Variants in CTNNA3 observed in about 807,000 individuals in gnomAD.
CTNNA3 encodes catenin alpha-3.
A neutral mutation model predicts 95.7 loss-of-function variants in CTNNA3; 76 were observed. The observed-to-expected ratio is 0.79, with a 90% CI of 0.66 to 0.96. The LOEUF (loss-of-function observed/expected upper bound fraction) is 0.96, where lower values mean the gene tolerates loss of function less well. Ranked by LOEUF, CTNNA3 falls within the 40% of genes least tolerant of loss-of-function variation. CTNNA3 has a pLI of 0.00. For synonymous variants in CTNNA3, 431 were observed against 374.4 expected (o/e 1.15, Z -1.74); for missense variants, 1,191 against 1,089.8 (o/e 1.09, Z -1.31).
At chr10:66,905,502 T>G (rs1845950906) in intron 7 of CTNNA3, among the ~76,000 whole-genome samples, 1 of 152,158 alleles carries the variant, frequency 6.6e-6, no homozygotes, top group Non-Finnish European at 1.5e-5. Flanking sequence ...ACATGTGCCC[T>G]AGAACTTAAA....
intron 7 of CTNNA3, among the ~76,000 whole-genome samples, chr10:67,142,033 T>G (rs1380039191): frequency 6.6e-6 from 1 of 152,154 alleles, no homozygotes; most frequent in Non-Finnish European, 1.5e-5. Context: ...TCCATATGCT[T>G]GATTTATAAA....
chr10:67,581,448 G>A (rs1208954442), intron 3 of CTNNA3, among the ~76,000 whole-genome samples: 2 of 152,104 alleles, frequency 1.3e-5, no homozygotes, highest in Non-Finnish European at 2.9e-5. Context: ...ATGTGCTGCT[G>A]GATTTGTTTC....
chr10:66,400,265 A>G (rs995452518), intron 11 of CTNNA3, among the ~76,000 whole-genome samples: 2 of 152,054 alleles, frequency 1.3e-5, no homozygotes, highest in African/African-American at 4.8e-5. Context: ...ATTTGTCACT[A>G]TGCTTTCTGG....
chr10:66,969,477 C>T lies in CTNNA3; in HGVS notation c.1048-193953G>A, dbSNP rs1483079200. 2.0e-5 allele frequency among the ~76,000 whole-genome samples: 3 copies of T among 152,034 alleles called. 1 individual carries two copies. The highest frequency in any genetic ancestry group is 4.8e-5 in the African/African-American group (2 of 41,366). On this transcript the variant is annotated intron_variant, in intron 7 of 17. Coordinates refer to ENST00000433211, the MANE Select transcript of CTNNA3 (RefSeq NM_013266.4). ...GGAGAAAATTTTAAGCAGCTTTATCCATAAAACTTTAATTGTATCTTGGAT... is the reference window on the plus strand; with the variant it reads ...GGAGAAAATTTTAAGCAGCTTTATCTATAAAACTTTAATTGTATCTTGGAT...
Position 66,415,452 on chromosome 10 carries a change from C to T in CTNNA3, c.1532-36100G>A, listed in dbSNP as rs554110262. Among the ~76,000 whole-genome samples, 56 of 152,230 alleles carry T rather than the reference C, an allele frequency of 3.7e-4. No individual in the cohort carries two copies. The South Asian group carries it at 6.6e-3, about 18-fold the overall frequency. ...AGAGGGTTGTCACACCACTGCCACT[C>T]GCATTGCCTACGCCATATTAGCTGC... On this transcript the variant is annotated intron_variant, in intron 11 of 17. Coordinates refer to ENST00000433211, the MANE Select transcript of CTNNA3 (RefSeq NM_013266.4).
At chr10:66,356,862 T>C (rs1394522744) in intron 12 of CTNNA3, among the ~76,000 whole-genome samples, 36 of 152,120 alleles carry the variant, frequency 2.4e-4, no homozygotes, top group Admixed American at 2.0e-3. Context: ...ATCTTTGATA[T>C]AATCATTTGA....
chr10:66,951,111 ACACACACTGT>A (rs1848516694), intron 7 of CTNNA3, among the ~76,000 whole-genome samples: 1 of 148,016 alleles, frequency 6.8e-6, no homozygotes, highest in Non-Finnish European at 1.5e-5. Flanking sequence ...ACACACACAC[ACACACACTGT>A]CTTTTTTTTT....
At chr10:66,190,897 T>C (rs2086631417) in intron 13 of CTNNA3, among the ~76,000 whole-genome samples, 1 of 152,116 alleles carries the variant, frequency 6.6e-6, no homozygotes, top group African/African-American at 2.4e-5. Flanking sequence ...TGAGTGTAAA[T>C]AGCAATGACC....
Position 66,510,236 on chromosome 10 carries a change from AT to A in CTNNA3, c.1531+10380del, listed in dbSNP as rs199989113. 4.1e-4 allele frequency among the ~76,000 whole-genome samples: 62 copies of A among 151,574 alleles called. 2 individuals are homozygous for A. The East Asian group carries it at 6.6e-3, about 16-fold the overall frequency. On this transcript the variant is annotated intron_variant, in intron 11 of 17. Transcript: ENST00000433211. The stretch of plus-strand genomic sequence containing the variant: ...AAATACTAATTATTTTTGTATGTTG[AT>A]TTTTTTTATCCTGAAATTTTAATGA...
At chr10:67,041,555 T>G (rs1854395996) in intron 7 of CTNNA3, among the ~76,000 whole-genome samples, 1 of 152,138 alleles carries the variant, frequency 6.6e-6, no homozygotes. Context: ...GGAAAACAAG[T>G]ATAGTAATTG....
At chr10:67,001,178 G>A (rs916450670) in intron 7 of CTNNA3, among the ~76,000 whole-genome samples, 1 of 151,474 alleles carries the variant, frequency 6.6e-6, no homozygotes, top group East Asian at 2.0e-4. Flanking sequence ...GTGTGTGCCT[G>A]TAATCCCAGC....
At position 67,182,026 on chromosome 10, in the gene CTNNA3, C is replaced by T. The variant is rs535780205; in HGVS notation, c.844-1506G>A. Among the ~76,000 whole-genome samples, 383 of 149,958 alleles carry T rather than the reference C, an allele frequency of 2.6e-3. 2 individuals carry two copies. The highest frequency in any genetic ancestry group is 9.4e-3 in the African/African-American group (377 of 39,986). On this transcript the variant is annotated intron_variant, in intron 6 of 17. Coordinates refer to ENST00000433211, the MANE Select transcript of CTNNA3 (RefSeq NM_013266.4). ...TCAAGGAGAACTACAAACCACTGCT[C>T]AATGAAATAAAAGAGGATACAAACA...
intron 7 of CTNNA3, among the ~76,000 whole-genome samples, chr10:67,166,573 C>T (rs1445164648): frequency 5.9e-5 from 9 of 152,170 alleles, no homozygotes; most frequent in Admixed American, 5.2e-4. Flanking sequence ...TTTCTACCTA[C>T]TAACATCAGT....
chr10:66,453,223 G>GAA (rs567411067), intron 11 of CTNNA3, among the ~76,000 whole-genome samples: 54 of 136,388 alleles, frequency 4.0e-4, no homozygotes, highest in African/African-American at 9.5e-4. Flanking sequence ...TCTCAAAAAA[G>GAA]AAAAAAAAAA....
chr10:66,640,077 C>G (rs1845465164), intron 9 of CTNNA3, among the ~76,000 whole-genome samples: 1 of 152,252 alleles, frequency 6.6e-6, no homozygotes, highest in African/African-American at 2.4e-5. Context: ...TTTTGGAAAA[C>G]ACTGTTAAAT....
intron 7 of CTNNA3, among the ~76,000 whole-genome samples, chr10:66,856,705 T>G (rs1468028168): frequency 6.6e-6 from 1 of 152,160 alleles, no homozygotes; most frequent in Non-Finnish European, 1.5e-5. Flanking sequence ...CATGTATGTC[T>G]TCTTTTGAAA....
intron 9 of CTNNA3, among the ~76,000 whole-genome samples, chr10:66,664,163 G>A (rs948205964): frequency 3.9e-5 from 6 of 151,924 alleles, no homozygotes; most frequent in African/African-American, 1.4e-4. Flanking sequence ...TTTATTCTGT[G>A]TCCTGCTGAA....
At chr10:66,315,710 A>C (rs1322671915) in intron 12 of CTNNA3, among the ~76,000 whole-genome samples, 2 of 152,144 alleles carry the variant, frequency 1.3e-5, no homozygotes, top group Non-Finnish European at 2.9e-5. Flanking sequence ...AAAATTTCTT[A>C]TTAAATGAGA....
chr10:67,439,112 C>T (rs1846406659), intron 5 of CTNNA3, among the ~76,000 whole-genome samples: 1 of 152,064 alleles, frequency 6.6e-6, no homozygotes, highest in Non-Finnish European at 1.5e-5. Context: ...GGCAGCCCTG[C>T]TCGCAGAAAT....
Sources: allele counts gnomAD v4.1 joint callset (sites outside exome capture counted in the v4.1 genomes callset), GRCh38; gene constraint gnomAD v4.1.1; transcripts MANE v1.5; gene names NCBI Gene and HGNC (gene_info 2026-07-23, HGNC 2026-07-21).